The following ABCG2 variants were observed in gnomAD, a reference collection of about 807,000 sequenced individuals.
The protein encoded by ABCG2 is broad substrate specificity ATP-binding cassette transporter ABCG2.
Under a neutral mutation model 73.5 loss-of-function variants are expected in ABCG2, and 80 were observed. The observed-to-expected ratio is 1.09, with a 90% CI of 0.91 to 1.31. The LOEUF (loss-of-function observed/expected upper bound fraction) is 1.31. Among genes scored for constraint, ABCG2 ranks in the 50% most tolerant of loss-of-function variants. The pLI is 0.00. For missense variants in ABCG2, 796 were observed against 786.2 expected, an observed-to-expected ratio of 1.01 and a Z score of -0.15; for synonymous variants, 269 against 282.4, an observed-to-expected ratio of 0.95 and a Z score of 0.48.
chr4:88,180,334 T>C (rs150442077), intron 1 of ABCG2, among the ~76,000 whole-genome samples: 7 of 152,174 alleles, frequency 4.6e-5, no homozygotes, highest in Non-Finnish European at 8.8e-5. Flanking sequence ...AAAATACCCT[T>C]CAAATATGGA....
intron 1 of ABCG2, chr4:88,206,453 G>T (rs771532368): frequency 2.6e-5 from 4 of 152,118 alleles, no homozygotes; most frequent in Non-Finnish European, 5.9e-5. Context: ...ATGCCATGAA[G>T]TAGGTGGCAA....
chr4:88,121,568 C>A, intron 6 of ABCG2, 67 bp downstream of exon 6: 1 of 1,447,174 alleles, frequency 6.9e-7, no homozygotes, highest in Non-Finnish European at 9.4e-7. Context: ...ACCCCCTGCC[C>A]CAAGAATATC....
intron 1 of ABCG2, among the ~76,000 whole-genome samples, chr4:88,182,580 G>T (rs1728301193): frequency 6.6e-6 from 1 of 151,972 alleles, no homozygotes; most frequent in South Asian, 2.1e-4. Flanking sequence ...AATAAAACTA[G>T]AAATCAACAA....
chr4:88,137,892 T>C (rs372142820), intron 2 of ABCG2, among the ~76,000 whole-genome samples: 3 of 152,208 alleles, frequency 2.0e-5, no homozygotes, highest in Admixed American at 6.5e-5. Flanking sequence ...CAGTGGCTCA[T>C]GCTTATAACC....
At chr4:88,161,871 G>T (rs375514805), upstream of ABCG2, among the ~76,000 whole-genome samples, 2 of 126,766 alleles carry the variant, frequency 1.6e-5, no homozygotes, top group Admixed American at 8.7e-5. Context: ...ATTCTAACTG[G>T]TGTGAGATGA....
At chr4:88,146,691 G>A (rs761871936) in intron 1 of ABCG2, among the ~76,000 whole-genome samples, 7 of 152,066 alleles carry the variant, frequency 4.6e-5, no homozygotes, top group Non-Finnish European at 8.8e-5. Flanking sequence ...ACCGTGCTTG[G>A]CTAAAACCTG....
intron 1 of ABCG2, among the ~76,000 whole-genome samples, chr4:88,211,363 A>ACCCCCCCCCCCCCCCC (rs34198736): frequency 2.1e-5 from 1 of 47,520 alleles, no homozygotes; most frequent in Non-Finnish European, 4.0e-5. Context: ...CCCCTGCCCC[A>ACCCCCCCCCCCCCCCC]CCCCCCCCCA....
At chr4:88,137,012 CAATAAAATAAAATAA>C (rs56033368) in intron 2 of ABCG2, among the ~76,000 whole-genome samples, 9,291 of 123,398 alleles carry the variant, frequency 0.075, 713 homozygotes, top group African/African-American at 0.19. Context: ...ACCTCCATCT[CAATAAAATAAAATAA>C]AATAAAATAA....
intron 15 of ABCG2, among the ~76,000 whole-genome samples, chr4:88,093,956 G>T (rs1560646356): frequency 1.3e-5 from 2 of 151,990 alleles, no homozygotes; most frequent in African/African-American, 4.8e-5. Flanking sequence ...AGTGTTTCTT[G>T]TTTTTTTAGA....
At chr4:88,153,398 T>G (rs576894381) in intron 1 of ABCG2, among the ~76,000 whole-genome samples, 2 of 152,124 alleles carry the variant, frequency 1.3e-5, no homozygotes, top group East Asian at 3.9e-4. Flanking sequence ...CTGTATTTTG[T>G]CGCATTCCGA....
intron 2 of ABCG2, among the ~76,000 whole-genome samples, chr4:88,134,662 C>A (rs1252432040): frequency 6.6e-6 from 1 of 152,144 alleles, no homozygotes; most frequent in African/African-American, 2.4e-5. Context: ...AAATAAAGAC[C>A]AAGCAATCCT....
intron 1 of ABCG2, among the ~76,000 whole-genome samples, chr4:88,223,288 G>A (rs1730079523): frequency 6.6e-6 from 1 of 152,128 alleles, no homozygotes; most frequent in African/African-American, 2.4e-5. Context: ...GGAGGGTCAG[G>A]TGAGGAATCA....
At chr4:88,206,176 T>C (rs955456376) in intron 1 of ABCG2, among the ~76,000 whole-genome samples, 1 of 152,150 alleles carries the variant, frequency 6.6e-6, no homozygotes, top group African/African-American at 2.4e-5. Flanking sequence ...AATCAAGTCC[T>C]GGCCAGGCGC....
intron 2 of ABCG2, among the ~76,000 whole-genome samples, chr4:88,136,755 C>T (rs2110049846): frequency 6.6e-6 from 1 of 151,318 alleles, no homozygotes; most frequent in Non-Finnish European, 1.5e-5. Flanking sequence ...GTGGCTTATG[C>T]CTGTAATCCC....
chr4:88,222,765 T>C (rs541062252), intron 1 of ABCG2, among the ~76,000 whole-genome samples: 79 of 152,230 alleles, frequency 5.2e-4, no homozygotes, highest in African/African-American at 1.8e-3. Flanking sequence ...TAGGCCACCA[T>C]CCTCCAGACC....
At chr4:88,175,405 G>A (rs1358928948) in intron 1 of ABCG2, among the ~76,000 whole-genome samples, 1 of 152,078 alleles carries the variant, frequency 6.6e-6, no homozygotes, top group African/African-American at 2.4e-5. Flanking sequence ...ATGTGTAGTA[G>A]GCTAAATTTA....
chr4:88,097,569 ACAT>A lies in ABCG2; in HGVS notation c.1528_1530del (p.Met510del), dbSNP rs1258482042. 1.2e-6 allele frequency: 2 copies of A among 1,614,200 alleles called. No homozygotes were observed. The highest frequency in any genetic ancestry group is 2.2e-5 in the South Asian group (2 of 91,080). ...GAATAAGCCACCATCATAAGGGTAA[ACAT>A]CATAACGAAGAAGGCATCTGCCTTT... On this transcript the variant is annotated inframe_deletion, in exon 13 of 16. Transcript: ENST00000237612.
At chr4:88,092,597 A>G (rs1012492599) in intron 15 of ABCG2, among the ~76,000 whole-genome samples, 1 of 152,220 alleles carries the variant, frequency 6.6e-6, no homozygotes, top group Non-Finnish European at 1.5e-5. Context: ...AAACAATCCA[A>G]TGTGATAGAC....
chr4:88,093,641 C>T (rs566527138), intron 15 of ABCG2, among the ~76,000 whole-genome samples: 1 of 152,182 alleles, frequency 6.6e-6, no homozygotes, highest in Non-Finnish European at 1.5e-5. Context: ...TCCTGACCAC[C>T]CTGATCAAGC....
Sources: gnomAD v4.1 joint callset for allele counts (sites outside exome capture counted in the v4.1 genomes callset) on GRCh38, gnomAD v4.1.1 for gene constraint, MANE v1.5 for transcripts, NCBI Gene and HGNC (gene_info 2026-07-23, HGNC 2026-07-21) for gene names.